The following TMEM276 variants were observed in gnomAD, a reference collection of about 807,000 sequenced individuals.
TMEM276 encodes transmembrane protein 276.
At chr8:144,466,625 T>A in the TMEM276 span, 14 of 855,472 alleles carry the variant, frequency 1.6e-5, no homozygotes, top group Non-Finnish European at 1.9e-5. Flanking sequence ...GACGGGGCCG[T>A]GCCGAGGACC....
chr8:144,466,513 G>A, the TMEM276 span: 3 of 1,281,456 alleles, frequency 2.3e-6, no homozygotes, highest in South Asian at 2.2e-5. Context: ...CGGGGACCCC[G>A]CCCAGGTGAG....
chr8:144,466,501 C>G, the TMEM276 span: 41 of 1,298,966 alleles, frequency 3.2e-5, no homozygotes, highest in Non-Finnish European at 3.9e-5. Context: ...GGCCGCGGAG[C>G]CCGGGGACCC....
the TMEM276 span, chr8:144,466,663 T>C: frequency 9.1e-7 from 1 of 1,102,276 alleles, no homozygotes; most frequent in Non-Finnish European, 1.2e-6. Context: ...GCTGGAAGCG[T>C]AGACTTCGGC....
chr8:144,466,810 G>T, the TMEM276 span: 1 of 1,537,970 alleles, frequency 6.5e-7, no homozygotes, highest in Non-Finnish European at 8.7e-7. Context: ...CCGCGCCAGA[G>T]CTGTGGACCG....
the TMEM276 span, chr8:144,466,707 G>A: frequency 6.4e-6 from 9 of 1,411,034 alleles, no homozygotes; most frequent in Admixed American, 1.6e-4. Context: ...GGAGGGAAGG[G>A]GCCAGCAGGC....
chr8:144,465,107 G>C, the TMEM276 span: 2 of 1,483,096 alleles, frequency 1.3e-6, no homozygotes, highest in South Asian at 1.2e-5. Flanking sequence ...CTGTGGAGAA[G>C]AAGAACCTAA....
At chr8:144,464,653 C>T in the TMEM276 span, 2 of 1,576,772 alleles carry the variant, frequency 1.3e-6, no homozygotes, top group Admixed American at 1.8e-5. Flanking sequence ...GAAAAAGAGG[C>T]CGGGGTCACC....
At chr8:144,465,447 C>T in the TMEM276 span, 991,068 of 996,510 alleles carry the variant, frequency 0.99, 493,069 homozygotes, top group Non-Finnish European at 1. Context: ...CTGCCGTGCC[C>T]CCAGTTGCGG....
chr8:144,464,336 C>T, the TMEM276 span: 14 of 1,612,162 alleles, frequency 8.7e-6, no homozygotes, highest in Admixed American at 5.0e-5. Flanking sequence ...ATGGTCACTG[C>T]GACCACCAAC....
At chr8:144,464,680 G>A in the TMEM276 span, 3 of 1,574,494 alleles carry the variant, frequency 1.9e-6, no homozygotes, top group South Asian at 2.3e-5. Context: ...AACAGGAAAG[G>A]GTTTGGGGCT....
At chr8:144,466,859 C>T in the TMEM276 span, 40 of 1,536,668 alleles carry the variant, frequency 2.6e-5, no homozygotes, top group Non-Finnish European at 3.3e-5. Flanking sequence ...GCTGGGAGTC[C>T]CGCGGTGCGA....
At chr8:144,464,891 T>C in the TMEM276 span, 37 of 1,611,916 alleles carry the variant, frequency 2.3e-5, no homozygotes, top group Admixed American at 6.2e-4. Flanking sequence ...GGCCCCCGGC[T>C]TGGGGGCCAT....
At chr8:144,465,089 G>A in the TMEM276 span, 13 of 1,514,522 alleles carry the variant, frequency 8.6e-6, no homozygotes, top group African/African-American at 1.4e-5. Context: ...TGAGGCCACT[G>A]CACACACCTG....
At chr8:144,465,022 T>G in the TMEM276 span, 3 of 1,536,586 alleles carry the variant, frequency 2.0e-6, no homozygotes, top group Non-Finnish European at 2.6e-6. Context: ...AAGCCCAGGT[T>G]CCAGGTCCCC....
chr8:144,464,043 C>T, the TMEM276 span: 2 of 1,548,490 alleles, frequency 1.3e-6, no homozygotes, highest in Non-Finnish European at 1.7e-6. Flanking sequence ...AAGAGTCTAC[C>T]CCTAGGGAGA....
chr8:144,466,967 G>A, the TMEM276 span: 32 of 1,594,118 alleles, frequency 2.0e-5, no homozygotes, highest in African/African-American at 3.4e-4. Flanking sequence ...AGCCAGCTCC[G>A]AGCCTGAGGA....
the TMEM276 span, chr8:144,464,361 A>C: frequency 6.2e-7 from 1 of 1,611,370 alleles, no homozygotes; most frequent in Admixed American, 1.7e-5. Flanking sequence ...TTGCCTGACC[A>C]GCCACAGAGC....
At chr8:144,466,436 C>G in the TMEM276 span, 12 of 1,357,276 alleles carry the variant, frequency 8.8e-6, no homozygotes, top group Non-Finnish European at 1.2e-5. Context: ...GCCTTTTACT[C>G]GTTGCTCATC....
At chr8:144,465,270 G>T in the TMEM276 span, 1 of 1,111,080 alleles carries the variant, frequency 9.0e-7, no homozygotes, top group Non-Finnish European at 1.1e-6. Flanking sequence ...TGCTCCCTGC[G>T]TTCCGGGAGG....
Sources: allele counts gnomAD v4.1 joint callset, GRCh38; gene constraint gnomAD v4.1.1; transcripts MANE v1.5; gene names NCBI Gene and HGNC (gene_info 2026-07-23, HGNC 2026-07-21).